Variants in ABCC1 observed in about 807,000 individuals in gnomAD.
ABCC1 encodes the protein multidrug resistance-associated protein 1.
Under a neutral mutation model 172.9 loss-of-function variants are expected in ABCC1, and 83 were observed. The observed-to-expected ratio is 0.48, with a 90% CI of 0.40 to 0.58. The LOEUF (loss-of-function observed/expected upper bound fraction) is 0.58, where lower values mean the gene tolerates loss of function less well. Ranked by LOEUF, ABCC1 falls within the 20% of genes least tolerant of loss-of-function variation. ABCC1 has a pLI of 0.00. For missense variants in ABCC1, 1,817 were observed against 2,002.7 expected, an observed-to-expected ratio of 0.91 and a Z score of 1.77; for synonymous variants, 937 against 825.2, an observed-to-expected ratio of 1.14 and a Z score of -2.32.
chr16:16,085,357 T>C (rs749615814), intron 17 of ABCC1, among the ~76,000 whole-genome samples: 5 of 152,236 alleles, frequency 3.3e-5, no homozygotes, highest in African/African-American at 4.8e-5. Flanking sequence ...TGTCCCCTCT[T>C]GGAAGACCAA....
intron 14 of ABCC1, among the ~76,000 whole-genome samples, chr16:16,073,476 G>T (rs575469301): frequency 2.6e-4 from 39 of 152,282 alleles, no homozygotes; most frequent in African/African-American, 8.9e-4. Context: ...AAAAAGTGAG[G>T]CACAGGCTGG....
At chr16:16,022,165 G>C (rs246213) in intron 5 of ABCC1, among the ~76,000 whole-genome samples, 129,418 of 152,192 alleles carry the variant, frequency 0.85, 55,476 homozygotes, top group Non-Finnish European at 0.9. Flanking sequence ...CAGGCAGGGC[G>C]TGGGTGGGAG....
chr16:16,133,163 T>TGA (rs1200681350), intron 27 of ABCC1, among the ~76,000 whole-genome samples: 1 of 152,214 alleles, frequency 6.6e-6, no homozygotes, highest in Non-Finnish European at 1.5e-5. Context: ...TTCCTTGACC[T>TGA]GAGTGATACC....
At chr16:16,133,502 C>G (rs2045788950) in intron 27 of ABCC1, among the ~76,000 whole-genome samples, 1 of 152,116 alleles carries the variant, frequency 6.6e-6, no homozygotes, top group South Asian at 2.1e-4. Flanking sequence ...CCCCTGGGTT[C>G]AAGTGATTCT....
Position 16,082,944 on chromosome 16 carries a change from A to T in ABCC1, c.2116-422A>T, listed in dbSNP as rs532359466. ...ATTACAGGCATGAGCCACTGCGCCT[A>T]GTCAAGTTAGACTCTTAAAAAGTGT... On this transcript the variant is annotated intron_variant, in intron 16 of 30. Transcript: ENST00000399410. 2.0e-5 allele frequency among the ~76,000 whole-genome samples: 3 copies of T among 152,294 alleles called. No homozygotes were observed. In the East Asian group the frequency reaches 5.8e-4, roughly 29 times the overall value.
intron 1 of ABCC1, among the ~76,000 whole-genome samples, chr16:15,969,530 G>A (rs867697238): frequency 1.3e-5 from 2 of 151,928 alleles, no homozygotes; most frequent in African/African-American, 2.4e-5. Flanking sequence ...GTGCCACCAC[G>A]CCCGGCTACT....
chr16:15,999,474 G>A (rs2047170095), intron 1 of ABCC1, among the ~76,000 whole-genome samples: 1 of 151,828 alleles, frequency 6.6e-6, no homozygotes, highest in Non-Finnish European at 1.5e-5. Context: ...GATTAGCCAG[G>A]CGTGGTGGCA....
Position 16,134,352 on chromosome 16 carries a change from C to A in ABCC1, c.3969C>A (p.Val1323=), listed in dbSNP as rs759266398. Residue 1323 remains valine, a splice_region_variant and synonymous_variant, in exon 28 of 31, where the codon GTC becomes GTA. Coordinates refer to ENST00000399410, the MANE Select transcript of ABCC1 (RefSeq NM_004996.4). The part of the protein sequence containing the change: ...INVTINGGEK[V]GIVGRTGAGK... The stretch of plus-strand genomic sequence containing the variant: ...ACCTGGGCCCTTCTGTCCTGCAGGT[C>A]GGCATCGTGGGGCGGACGGGAGCTG... 2.5e-6 allele frequency: 4 copies of A among 1,613,938 alleles called. No individual in the cohort carries two copies. The African/African-American group carries it at 5.3e-5, about 22-fold the overall frequency.
chr16:16,080,773 C>T (rs1454827955), intron 16 of ABCC1, among the ~76,000 whole-genome samples: 4 of 152,316 alleles, frequency 2.6e-5, no homozygotes, highest in African/African-American at 9.6e-5. Flanking sequence ...CTTATGTGTC[C>T]CAGGTGTACT....
chr16:16,068,012 C>T lies in ABCC1; in HGVS notation c.1678-144C>T, dbSNP rs535443694. ...CACCTGCCATGTGCCAGATACTGCC[C>T]CAGGTTTTTCCACGAGCTCCAGCAG... On this transcript the variant is annotated intron_variant, in intron 12 of 30. Coordinates refer to ENST00000399410, the MANE Select transcript of ABCC1 (RefSeq NM_004996.4). 19 of 841,822 alleles carry T rather than the reference C, an allele frequency of 2.3e-5. No individual in the cohort carries two copies. The East Asian group carries it at 3.1e-4, about 14-fold the overall frequency. 52.1% of individuals were successfully genotyped at this position (841,822 alleles called of 1,614,324 possible). A position where few individuals can be genotyped will look rare whatever the true frequency, so the allele number is the denominator to read the frequency against.
At chr16:16,080,792 C>A in intron 16 of ABCC1, among the ~76,000 whole-genome samples, 1 of 152,172 alleles carries the variant, frequency 6.6e-6, no homozygotes. Flanking sequence ...CTTGTCCGCA[C>A]CTCTTTAGTG....
At chr16:16,073,237 C>T (rs2079883675) in intron 14 of ABCC1, among the ~76,000 whole-genome samples, 1 of 152,058 alleles carries the variant, frequency 6.6e-6, no homozygotes, top group African/African-American at 2.4e-5. Flanking sequence ...GTCTCTGAAA[C>T]TTGCCTGAGA....
chr16:16,087,426 A>C (rs2051053853), intron 18 of ABCC1, among the ~76,000 whole-genome samples: 1 of 152,146 alleles, frequency 6.6e-6, no homozygotes, highest in South Asian at 2.1e-4. Context: ...CAGTTGTGGT[A>C]ATGGGTACAC....
At chr16:16,020,366 C>T (rs147039467) in intron 5 of ABCC1, among the ~76,000 whole-genome samples, 41 of 152,324 alleles carry the variant, frequency 2.7e-4, no homozygotes, top group African/African-American at 7.9e-4. Context: ...GAACTTCCCT[C>T]TGGGTTCCTG....
intron 27 of ABCC1, among the ~76,000 whole-genome samples, chr16:16,132,623 G>A (rs1271878305): frequency 7.3e-6 from 1 of 137,742 alleles, no homozygotes; most frequent in East Asian, 2.4e-4. Flanking sequence ...CTGGGTTCAA[G>A]TGATTCTCCT....
chr16:16,045,944 G>A lies in ABCC1; in HGVS notation c.1149G>A (p.Gln383=). 2 of 1,614,190 alleles carry A rather than the reference G, an allele frequency of 1.2e-6. No individual in the cohort carries two copies. The highest frequency in any genetic ancestry group is 1.7e-6 in the Non-Finnish European group (2 of 1,180,042). Residue 383 remains glutamine, a synonymous_variant, in exon 9 of 31, where the codon CAG becomes CAA. Transcript: ENST00000399410. ...TACLQTLVLH[Q]YFHICFVSGM... The stretch of plus-strand genomic sequence containing the variant: ...GCCTGCAGACCCTCGTGCTGCACCA[G>A]TACTTCCACATCTGCTTCGTCAGTG...
intron 1 of ABCC1, among the ~76,000 whole-genome samples, chr16:15,955,920 A>G (rs1399300871): frequency 6.6e-6 from 1 of 152,162 alleles, no homozygotes; most frequent in African/African-American, 2.4e-5. Flanking sequence ...CCTTGGAACA[A>G]TTCAGGGGTT....
chr16:16,054,075 A>G (rs2049546194), intron 11 of ABCC1, among the ~76,000 whole-genome samples: 1 of 151,828 alleles, frequency 6.6e-6, no homozygotes, highest in Non-Finnish European at 1.5e-5. Flanking sequence ...CCCGGGTTCA[A>G]GTAGTTCTCC....
At chr16:16,039,209 T>TTGTGTGTGTGTGTG (rs749877499) in intron 7 of ABCC1, among the ~76,000 whole-genome samples, 7 of 137,194 alleles carry the variant, frequency 5.1e-5, no homozygotes, top group African/African-American at 2.0e-4. Flanking sequence ...GAGGAAGCTT[T>TTGTGTGTGTGTGTG]TGTGTGTGTG....
Sources: gnomAD v4.1 joint callset for allele counts (sites outside exome capture counted in the v4.1 genomes callset) on GRCh38, gnomAD v4.1.1 for gene constraint, MANE v1.5 for transcripts, NCBI Gene and HGNC (gene_info 2026-07-23, HGNC 2026-07-21) for gene names.